GABRB1: variants seen among roughly 807,000 people sequenced by gnomAD.
GABRB1 encodes gamma-aminobutyric acid receptor subunit beta-1.
Under a neutral mutation model 51.6 loss-of-function variants are expected in GABRB1, and 17 were observed. The ratio of observed to expected loss-of-function variants is 0.33; its 90% CI spans 0.23 to 0.49. The LOEUF (loss-of-function observed/expected upper bound fraction) is 0.49. Ranked by LOEUF, GABRB1 falls within the 20% of genes least tolerant of loss-of-function variation. The pLI is 0.99. For synonymous variants in GABRB1, 247 were observed against 218.9 expected (o/e 1.13, Z -1.14); for missense variants, 410 against 600.6 (o/e 0.68, Z 3.32).
chr4:47,204,193 T>C (rs1419733884), intron 4 of GABRB1, among the ~76,000 whole-genome samples: 2 of 152,116 alleles, frequency 1.3e-5, no homozygotes, highest in Non-Finnish European at 2.9e-5. Flanking sequence ...CGAGTCTGGG[T>C]TCTCTGGTTA....
intron 5 of GABRB1, among the ~76,000 whole-genome samples, chr4:47,327,151 T>C (rs568377693): frequency 6.6e-6 from 1 of 152,338 alleles, no homozygotes; most frequent in South Asian, 2.1e-4. Flanking sequence ...CATTCATTTA[T>C]ATACTTTATA....
intron 4 of GABRB1, among the ~76,000 whole-genome samples, chr4:47,300,052 G>A (rs901928377): frequency 7.5e-6 from 1 of 133,746 alleles, no homozygotes; most frequent in Non-Finnish European, 1.5e-5. Flanking sequence ...AGAACACATG[G>A]ACACAGGAAG....
chr4:47,370,824 T>C (rs1277616696), intron 5 of GABRB1, among the ~76,000 whole-genome samples: 1 of 152,202 alleles, frequency 6.6e-6, no homozygotes, highest in African/African-American at 2.4e-5. Context: ...AGTGGATCAT[T>C]AGTGGGCGGG....
At chr4:47,236,476 T>C (rs1163492879) in intron 4 of GABRB1, among the ~76,000 whole-genome samples, 1 of 152,194 alleles carries the variant, frequency 6.6e-6, no homozygotes, top group Non-Finnish European at 1.5e-5. Context: ...AACATTTATT[T>C]AGTAACTACT....
intron 3 of GABRB1, among the ~76,000 whole-genome samples, chr4:47,037,160 G>T (rs576549868): frequency 3.3e-5 from 5 of 152,274 alleles, no homozygotes; most frequent in African/African-American, 1.2e-4. Flanking sequence ...TAACTCCACA[G>T]TACTATCCTG....
At chr4:47,094,995 T>A (rs1311588840) in intron 3 of GABRB1, among the ~76,000 whole-genome samples, 1 of 151,888 alleles carries the variant, frequency 6.6e-6, no homozygotes, top group Non-Finnish European at 1.5e-5. Context: ...AAACAAAATG[T>A]CAGGCAGAAA....
intron 3 of GABRB1, among the ~76,000 whole-genome samples, chr4:47,069,875 G>T (rs1411094188): frequency 6.6e-6 from 1 of 151,750 alleles, no homozygotes; most frequent in African/African-American, 2.4e-5. Context: ...TTCCTTTCAA[G>T]CCCACTGAAA....
intron 4 of GABRB1, among the ~76,000 whole-genome samples, chr4:47,280,105 T>C (rs1723227049): frequency 1.3e-5 from 2 of 152,094 alleles, no homozygotes; most frequent in South Asian, 2.1e-4. Flanking sequence ...TCTTCCTTTG[T>C]GGTGTATGAC....
At chr4:47,421,433 C>A (rs1000737489) in intron 8 of GABRB1, among the ~76,000 whole-genome samples, 2 of 151,992 alleles carry the variant, frequency 1.3e-5, no homozygotes, top group East Asian at 3.9e-4. Context: ...GCATAGAGTG[C>A]AGATCAGGTG....
intron 4 of GABRB1, among the ~76,000 whole-genome samples, chr4:47,208,183 A>C (rs1399572888): frequency 6.6e-6 from 1 of 152,076 alleles, no homozygotes; most frequent in Non-Finnish European, 1.5e-5. Flanking sequence ...TTATATATGC[A>C]ACAGCATGGA....
In GABRB1 at chr4:47,183,400, A is replaced by G. The variant is rs1327095527; in HGVS notation, c.461+21931A>G. 6.8e-5 allele frequency among the ~76,000 whole-genome samples: 10 copies of G among 148,124 alleles called. No individual in the cohort carries two copies. In the East Asian group the frequency reaches 1.8e-3, roughly 26 times the overall value. On this transcript the variant is annotated intron_variant, in intron 4 of 8. Transcript: ENST00000295454. ...TATATATTCCACCACTCATATAAAT[A>G]CATATTTACTGGTTTAGCACATTTA...
chr4:47,044,254 A>C (rs1369736884), intron 3 of GABRB1, among the ~76,000 whole-genome samples: 1 of 152,070 alleles, frequency 6.6e-6, no homozygotes, highest in Non-Finnish European at 1.5e-5. Flanking sequence ...TGTAGTTTTA[A>C]TAATTAATCT....
At chr4:47,312,319 A>G (rs1237275941) in intron 4 of GABRB1, among the ~76,000 whole-genome samples, 1 of 152,086 alleles carries the variant, frequency 6.6e-6, no homozygotes, top group African/African-American at 2.4e-5. Flanking sequence ...TCAAATACCA[A>G]TGTATTTTTC....
intron 4 of GABRB1, among the ~76,000 whole-genome samples, chr4:47,237,750 G>T (rs1026176634): frequency 2.0e-5 from 3 of 151,964 alleles, no homozygotes; most frequent in African/African-American, 7.2e-5. Context: ...ACACATAAAT[G>T]ATTGATGAAG....
intron 3 of GABRB1, among the ~76,000 whole-genome samples, chr4:47,111,267 T>C (rs1715198217): frequency 1.3e-5 from 2 of 152,108 alleles, no homozygotes; most frequent in South Asian, 4.2e-4. Flanking sequence ...ATTATTAAGC[T>C]TCTGGGTGGG....
At chr4:47,204,909 C>T (rs891194483) in intron 4 of GABRB1, among the ~76,000 whole-genome samples, 1 of 152,158 alleles carries the variant, frequency 6.6e-6, no homozygotes, top group South Asian at 2.1e-4. Context: ...ATCAAGAAAA[C>T]TATTCATCTA....
intron 4 of GABRB1, among the ~76,000 whole-genome samples, chr4:47,251,971 G>A (rs953937488): frequency 2.0e-5 from 3 of 152,182 alleles, no homozygotes; most frequent in Non-Finnish European, 4.4e-5. Flanking sequence ...GAGTCTGCAT[G>A]CTGGATTCAC....
intron 5 of GABRB1, among the ~76,000 whole-genome samples, chr4:47,364,495 G>A (rs540540471): frequency 6.6e-6 from 1 of 151,736 alleles, no homozygotes; most frequent in Admixed American, 6.6e-5. Context: ...AAAGAATAAA[G>A]TTGAGAATAA....
chr4:47,386,298 G>A (rs1727792706), intron 5 of GABRB1, among the ~76,000 whole-genome samples: 1 of 151,972 alleles, frequency 6.6e-6, no homozygotes, highest in South Asian at 2.1e-4. Flanking sequence ...CAGGAATGAG[G>A]GACAAAATCA....
Sources: allele counts gnomAD v4.1 joint callset (sites outside exome capture counted in the v4.1 genomes callset), GRCh38; gene constraint gnomAD v4.1.1; transcripts MANE v1.5; gene names NCBI Gene and HGNC (gene_info 2026-07-23, HGNC 2026-07-21).